Variants in ZMYND11 observed in about 807,000 individuals in gnomAD.
The protein encoded by ZMYND11 is zinc finger MYND-type containing 11, also known as zinc finger MYND domain-containing protein 11.
Under a neutral mutation model 84.9 loss-of-function variants are expected in ZMYND11, and 9 were observed. The ratio of observed to expected loss-of-function variants is 0.11; its 90% CI spans 0.06 to 0.18. ZMYND11 has a LOEUF of 0.18. ZMYND11 is among the 10% of genes least tolerant of loss of function. The pLI, the probability that ZMYND11 is intolerant of heterozygous loss-of-function variation, is 1.00. For missense variants in ZMYND11, 409 were observed against 761.0 expected, an observed-to-expected ratio of 0.54 and a Z score of 5.44; for synonymous variants, 250 against 244.1, an observed-to-expected ratio of 1.02 and a Z score of -0.23.
At chr10:152,043 C>T (rs189701117) in intron 1 of ZMYND11, among the ~76,000 whole-genome samples, 66 of 152,270 alleles carry the variant, frequency 4.3e-4, no homozygotes, top group African/African-American at 1.6e-3. Flanking sequence ...CCAGGCCTGC[C>T]CTACAAGAGC....
intron 4 of ZMYND11, among the ~76,000 whole-genome samples, chr10:227,037 A>G (rs1266853436): frequency 6.6e-6 from 1 of 152,242 alleles, no homozygotes; most frequent in African/African-American, 2.4e-5. Flanking sequence ...TACAAATTGT[A>G]GGGTGAATCA....
intron 3 of ZMYND11, 26 bp downstream of exon 3, chr10:210,074 T>TA: frequency 1.2e-6 from 2 of 1,610,302 alleles, no homozygotes; most frequent in Non-Finnish European, 1.7e-6. Context: ...TTGATAAACA[T>TA]AGAGATGTGA....
At chr10:145,099 TTTTA>T (rs1264667630) in intron 1 of ZMYND11, among the ~76,000 whole-genome samples, 2 of 151,350 alleles carry the variant, frequency 1.3e-5, no homozygotes, top group Non-Finnish European at 2.9e-5. Context: ...AAAGACGTTA[TTTTA>T]TTTATTTTCT....
chr10:152,953 G>A (rs992506881), intron 1 of ZMYND11, among the ~76,000 whole-genome samples: 15 of 152,196 alleles, frequency 9.9e-5, no homozygotes, highest in Admixed American at 7.9e-4. Flanking sequence ...ACCTGCTCCT[G>A]AATGACTACT....
chr10:188,056 C>G (rs1301936316), intron 2 of ZMYND11, among the ~76,000 whole-genome samples: 1 of 152,068 alleles, frequency 6.6e-6, no homozygotes, highest in Non-Finnish European at 1.5e-5. Context: ...GTTTAAATGT[C>G]TGTAAATGCT....
intron 2 of ZMYND11, among the ~76,000 whole-genome samples, chr10:195,678 C>G (rs759257856): frequency 6.6e-6 from 1 of 152,136 alleles, no homozygotes; most frequent in African/African-American, 2.4e-5. Flanking sequence ...CGTGAAGACA[C>G]AGAAGGGGAA....
intron 1 of ZMYND11, among the ~76,000 whole-genome samples, chr10:153,490 A>G (rs1395713672): frequency 6.6e-6 from 1 of 152,262 alleles, no homozygotes; most frequent in African/African-American, 2.4e-5. Context: ...GTCTCAAACT[A>G]GAAATATAAC....
chr10:137,285 G>A (rs1836334131), intron 1 of ZMYND11, among the ~76,000 whole-genome samples: 1 of 152,090 alleles, frequency 6.6e-6, no homozygotes, highest in South Asian at 2.1e-4. Flanking sequence ...GCCTGGAGGA[G>A]ATACCCAGGT....
At chr10:204,492 T>C (rs1211207302) in intron 2 of ZMYND11, among the ~76,000 whole-genome samples, 3 of 152,206 alleles carry the variant, frequency 2.0e-5, no homozygotes, top group Non-Finnish European at 4.4e-5. Context: ...TTGAACTATA[T>C]ACTTAATTTA....
At chr10:188,543 G>A (rs1024420009) in intron 2 of ZMYND11, among the ~76,000 whole-genome samples, 3 of 149,400 alleles carry the variant, frequency 2.0e-5, no homozygotes, top group African/African-American at 7.4e-5. Flanking sequence ...GGTGAGCCAT[G>A]ATTGTTCCAC....
At chr10:158,998 T>TTTTTTTTTTTTTTTTTTTTTG (rs1842373319) in intron 1 of ZMYND11, among the ~76,000 whole-genome samples, 2 of 147,678 alleles carry the variant, frequency 1.4e-5, no homozygotes, top group Non-Finnish European at 3.0e-5. Context: ...TTTGTTTTTT[T>TTTTTTTTTTTTTTTTTTTTTG]TTTTTTTTTT....
intron 4 of ZMYND11, among the ~76,000 whole-genome samples, chr10:235,410 C>T (rs577677153): frequency 1.2e-4 from 18 of 151,910 alleles, no homozygotes; most frequent in African/African-American, 4.1e-4. Context: ...TGTCTCCCCC[C>T]GCCCCCACCA....
chr10:186,721 A>T (rs1376867131), intron 2 of ZMYND11, among the ~76,000 whole-genome samples: 1 of 150,570 alleles, frequency 6.6e-6, no homozygotes, highest in African/African-American at 2.4e-5. Context: ...GAAGGATTTA[A>T]GTCTCAGATC....
chr10:149,805 C>T (rs1488327620), intron 1 of ZMYND11, among the ~76,000 whole-genome samples: 10 of 152,170 alleles, frequency 6.6e-5, no homozygotes, highest in Admixed American at 5.9e-4. Flanking sequence ...GAAACAGAGT[C>T]TAATGAAGTA....
At chr10:210,203 T>C (rs1036500200) in intron 3 of ZMYND11, among the ~76,000 whole-genome samples, 155 bp downstream of exon 3, 2 of 152,230 alleles carry the variant, frequency 1.3e-5, no homozygotes, top group African/African-American at 4.8e-5. Flanking sequence ...TATGGATACT[T>C]TCCTTACTAA....
intron 2 of ZMYND11, among the ~76,000 whole-genome samples, chr10:190,697 C>G (rs1488880211): frequency 6.6e-6 from 1 of 152,198 alleles, no homozygotes; most frequent in African/African-American, 2.4e-5. Flanking sequence ...CCCAGCGTCT[C>G]CCTACTCAGT....
At position 150,303 on chromosome 10, in the gene ZMYND11, C is replaced by G. The variant is rs189055419; in HGVS notation, c.-20+14744C>G. Among the ~76,000 whole-genome samples, 45 of 152,192 alleles carry G rather than the reference C, an allele frequency of 3.0e-4. 2 individuals are homozygous for G. In the East Asian group the frequency reaches 7.9e-3, roughly 27 times the overall value. On this transcript the variant is annotated intron_variant, in intron 1 of 14. Transcript: ENST00000381604. ...CTCAATTTCAGAGCCTGTTATTGGT[C>G]TATTCAGGGATTCAGCTTCTTCCTG...
At chr10:132,522 C>T (rs959880742), upstream of ZMYND11, among the ~76,000 whole-genome samples, 2 of 152,074 alleles carry the variant, frequency 1.3e-5, no homozygotes, top group East Asian at 1.9e-4. Context: ...CAGCAGGAAG[C>T]GGCTCTGGAG....
intron 3 of ZMYND11, among the ~76,000 whole-genome samples, chr10:211,334 T>G (rs1053495401): frequency 6.6e-6 from 1 of 152,216 alleles, no homozygotes; most frequent in African/African-American, 2.4e-5. Context: ...AGGGATAGAT[T>G]TAGTAATTGC....
Sources: allele counts gnomAD v4.1 joint callset (sites outside exome capture counted in the v4.1 genomes callset), GRCh38; gene constraint gnomAD v4.1.1; transcripts MANE v1.5; gene names NCBI Gene and HGNC (gene_info 2026-07-23, HGNC 2026-07-21).